CELF5: variants seen among roughly 807,000 people sequenced by gnomAD.
CELF5 encodes the protein CUG-BP and ETR-3 like factor 5.
A neutral mutation model predicts 54.9 loss-of-function variants in CELF5; 6 were observed. The ratio of observed to expected loss-of-function variants is 0.11; its 90% CI spans 0.06 to 0.22. CELF5 has a LOEUF of 0.22. Among genes scored for constraint, CELF5 ranks in the 10% least tolerant of loss-of-function variants. The pLI is 1.00. For synonymous variants in CELF5, 271 were observed against 290.9 expected, an observed-to-expected ratio of 0.93 and a Z score of 0.70; for missense variants, 401 against 678.6, an observed-to-expected ratio of 0.59 and a Z score of 4.54.
At chr19:3,251,760 C>T (rs770362503) in intron 2 of CELF5, among the ~76,000 whole-genome samples, 1 of 150,750 alleles carries the variant, frequency 6.6e-6, no homozygotes, top group Non-Finnish European at 1.5e-5. Context: ...CTGCAACCTC[C>T]GCCTCCCAGG....
At chr19:3,271,984 T>A (rs2079972748) in intron 2 of CELF5, among the ~76,000 whole-genome samples, 2 of 152,148 alleles carry the variant, frequency 1.3e-5, no homozygotes, top group African/African-American at 4.8e-5. Context: ...CTTAGACAAA[T>A]AACAGAAATC....
chr19:3,242,386 A>C (rs77361854), intron 1 of CELF5, among the ~76,000 whole-genome samples: 16,649 of 151,796 alleles, frequency 0.11, 1,003 homozygotes, highest in East Asian at 0.26. Context: ...AATACAAAAA[A>C]TTGGCTGGGT....
chr19:3,260,545 C>T (rs11669830), intron 2 of CELF5, among the ~76,000 whole-genome samples: 15,091 of 151,836 alleles, frequency 0.099, 790 homozygotes, highest in Non-Finnish European at 0.11. Context: ...ACCTTCACCT[C>T]CCAGGTTCAA....
chr19:3,258,551 A>G (rs536342465), intron 2 of CELF5, among the ~76,000 whole-genome samples: 2 of 152,272 alleles, frequency 1.3e-5, no homozygotes, highest in South Asian at 4.1e-4. Flanking sequence ...CTCTTTTCTA[A>G]ATAAGGGCAT....
In CELF5 at chr19:3,278,677, GTT is replaced by G; in HGVS notation, c.603+569_603+570del. On this transcript the variant is annotated intron_variant, in intron 5 of 12. Transcript: ENST00000292672. The surrounding 1 kb of genome is among the most constrained non-coding windows in gnomAD (Gnocchi z 4.5). ...CATCTGCAGGTGCATTTGTGGGCAG[GTT>G]TGTGTGTGTGTGTGTGTGTGTTTGT... Among the ~76,000 whole-genome samples the G allele has an allele frequency of 8.8e-6, 1 of 113,268 alleles. No homozygotes were observed. The highest frequency in any genetic ancestry group is 2.1e-5 in the Non-Finnish European group (1 of 46,582). The allele number at this position is 113,268 out of a possible 152,430, so 74.3% of individuals were successfully genotyped here. A position where few individuals can be genotyped will look rare whatever the true frequency, so the allele number is the denominator to read the frequency against.
At chr19:3,243,630 T>C (rs532999734) in intron 1 of CELF5, among the ~76,000 whole-genome samples, 1 of 152,220 alleles carries the variant, frequency 6.6e-6, no homozygotes, top group South Asian at 2.1e-4. Context: ...TGGGGAACTG[T>C]ACGAGTTTGC....
At chr19:3,267,102 T>TGTGTGC (rs1047494574) in intron 2 of CELF5, among the ~76,000 whole-genome samples, 6 of 125,364 alleles carry the variant, frequency 4.8e-5, no homozygotes, top group Admixed American at 2.8e-4. Context: ...TGTGTGTGTG[T>TGTGTGC]GTGTGCGTGT....
chr19:3,276,731 G>A (rs1269936947), intron 4 of CELF5, among the ~76,000 whole-genome samples: 3 of 145,622 alleles, frequency 2.1e-5, no homozygotes. Context: ...CTTGGGGAAG[G>A]GCAAGGCTTC....
At chr19:3,264,079 G>A (rs2079846509) in intron 2 of CELF5, among the ~76,000 whole-genome samples, 1 of 152,092 alleles carries the variant, frequency 6.6e-6, no homozygotes, top group African/African-American at 2.4e-5. Context: ...TGCTGAAGGA[G>A]CCACTATCTG....
chr19:3,277,914 T>C (rs1008437369), intron 4 of CELF5, 117 bp from the exon 5 acceptor site: 2 of 719,392 alleles, frequency 2.8e-6, no homozygotes, highest in African/African-American at 3.5e-5. Context: ...CAGTTCTCTC[T>C]GGCTGCATGT....
At chr19:3,251,652 C>CTTTTTTT (rs1195812856) in intron 2 of CELF5, among the ~76,000 whole-genome samples, 145 of 67,050 alleles carry the variant, frequency 2.2e-3, no homozygotes, top group Non-Finnish European at 2.7e-3. Context: ...ACAAGGGCTT[C>CTTTTTTT]TTTTTTTTTT....
At chr19:3,263,262 A>ACAAACAAATATTTCTTAAACTATTT (rs2079831808) in intron 2 of CELF5, among the ~76,000 whole-genome samples, 1 of 148,352 alleles carries the variant, frequency 6.7e-6, no homozygotes, top group Non-Finnish European at 1.5e-5. Context: ...AAAAAAAAAA[A>ACAAACAAATATTTCTTAAACTATTT]AAAAGGGAGG....
At chr19:3,225,278 CTCTCTCTCCCTT>C (rs1164195739) in intron 1 of CELF5, among the ~76,000 whole-genome samples, 1 of 113,832 alleles carries the variant, frequency 8.8e-6, no homozygotes, top group Non-Finnish European at 1.8e-5. Context: ...CTCTCTCCCT[CTCTCTCTCCCTT>C]TCTCTTCTCT....
At chr19:3,235,437 G>A (rs1468271173) in intron 1 of CELF5, among the ~76,000 whole-genome samples, 1 of 150,566 alleles carries the variant, frequency 6.6e-6, no homozygotes, top group African/African-American at 2.4e-5. Flanking sequence ...TCACCTTTGT[G>A]TGTACTGCTG....
At position 3,285,982 on chromosome 19, in the gene CELF5, C is replaced by T. The variant is rs758405642; in HGVS notation, c.1143C>T (p.Ser381=). 4 of 1,586,072 alleles carry T rather than the reference C, an allele frequency of 2.5e-6. No homozygotes were observed. The highest frequency in any genetic ancestry group is 2.6e-6 in the Non-Finnish European group (3 of 1,173,036). The change falls in exon 10 of 13, where the codon AGC becomes AGT. Residue 381 remains serine (S), a synonymous_variant. Transcript: ENST00000292672. ...CGGCCATCACGCCCATCGCGCACAGCGTCCCCCAGCCGCCGCCCCTCCTGC... is the reference window on the plus strand; with the variant it reads ...CGGCCATCACGCCCATCGCGCACAGTGTCCCCCAGCCGCCGCCCCTCCTGC... ...PTAAITPIAH[S]VPQPPPLLQQ... is the part of the protein sequence containing the mutation.
intron 1 of CELF5, 148 bp from the exon 2 acceptor site, chr19:3,250,837 C>T (rs556700225): frequency 1.8e-4 from 110 of 620,262 alleles, no homozygotes; most frequent in Middle Eastern, 2.6e-4. Context: ...AATAATATTC[C>T]GTTGCGTGGA....
At chr19:3,248,373 A>T (rs1207068657) in intron 1 of CELF5, among the ~76,000 whole-genome samples, 2 of 150,360 alleles carry the variant, frequency 1.3e-5, no homozygotes, top group Non-Finnish European at 1.5e-5. Context: ...TGAAACACTC[A>T]CTCCCCATCC....
intron 4 of CELF5, among the ~76,000 whole-genome samples, chr19:3,277,226 A>G (rs1180228849): frequency 6.6e-6 from 1 of 152,212 alleles, no homozygotes; most frequent in Non-Finnish European, 1.5e-5. Flanking sequence ...CTGTAATCCC[A>G]GCACTTTGGG....
chr19:3,232,947 G>A (rs1917337959), intron 1 of CELF5, among the ~76,000 whole-genome samples: 1 of 152,028 alleles, frequency 6.6e-6, no homozygotes, highest in Non-Finnish European at 1.5e-5. Flanking sequence ...GGTGGTGCAT[G>A]TCTGTAATCC....
Sources: allele counts gnomAD v4.1 joint callset (sites outside exome capture counted in the v4.1 genomes callset), GRCh38; gene constraint gnomAD v4.1.1; non-coding constraint Gnocchi (gnomAD v3.1); transcripts MANE v1.5; gene names NCBI Gene and HGNC (gene_info 2026-07-23, HGNC 2026-07-21).